Variants in CTNNA2 observed in about 807,000 individuals in gnomAD.
CTNNA2 encodes the protein catenin alpha 2, also known as catenin alpha-2.
Under a neutral mutation model 101.0 loss-of-function variants are expected in CTNNA2, and 42 were observed. The ratio of observed to expected loss-of-function variants is 0.42; its 90% CI spans 0.32 to 0.54. The LOEUF is 0.54. Ranked by LOEUF, CTNNA2 falls within the 20% of genes least tolerant of loss-of-function variation. The pLI is 0.14. For synonymous variants in CTNNA2, 450 were observed against 456.4 expected, an observed-to-expected ratio of 0.99 and a Z score of 0.18; for missense variants, 871 against 1,223.1, an observed-to-expected ratio of 0.71 and a Z score of 4.29.
chr2:80,344,538 G>A (rs1672545190), intron 7 of CTNNA2, among the ~76,000 whole-genome samples: 1 of 152,144 alleles, frequency 6.6e-6, no homozygotes, highest in South Asian at 2.1e-4. Flanking sequence ...AGGCTGGAGT[G>A]CAGTGCCATG....
chr2:80,186,064 A>C (rs1252614341), intron 7 of CTNNA2, among the ~76,000 whole-genome samples: 1 of 152,178 alleles, frequency 6.6e-6, no homozygotes, highest in Non-Finnish European at 1.5e-5. Context: ...GCAAAGCCAG[A>C]CTGTGGCCAA....
intron 1 of CTNNA2, among the ~76,000 whole-genome samples, chr2:79,614,912 A>G (rs1678517384): frequency 6.6e-6 from 1 of 152,202 alleles, no homozygotes; most frequent in Non-Finnish European, 1.5e-5. Context: ...GCAAACCTCT[A>G]TCATAAAGTT....
intron 4 of CTNNA2, among the ~76,000 whole-genome samples, chr2:79,384,376 T>TTCTCTCTC (rs11267995): frequency 2.8e-4 from 29 of 104,582 alleles, no homozygotes; most frequent in African/African-American, 7.2e-4. Flanking sequence ...TGCATATTTC[T>TTCTCTCTC]TCTCTCTCTC....
intron 7 of CTNNA2, among the ~76,000 whole-genome samples, chr2:80,284,723 C>T (rs1261750463): frequency 2.0e-5 from 3 of 152,062 alleles, no homozygotes; most frequent in African/African-American, 7.2e-5. Context: ...TCCTTTTCTC[C>T]TTGGATATTC....
At chr2:79,307,540 G>C (rs769183214) in intron 2 of CTNNA2, among the ~76,000 whole-genome samples, 1 of 152,112 alleles carries the variant, frequency 6.6e-6, no homozygotes, top group African/African-American at 2.4e-5. Flanking sequence ...CCATGTTGCT[G>C]TGAATGACAG....
intron 7 of CTNNA2, among the ~76,000 whole-genome samples, chr2:79,996,251 T>C (rs1210089713): frequency 6.6e-6 from 1 of 152,218 alleles, no homozygotes; most frequent in Non-Finnish European, 1.5e-5. Context: ...ATGTGTCCTT[T>C]AAACATAAGA....
At chr2:79,919,204 C>T (rs1686483369) in intron 7 of CTNNA2, among the ~76,000 whole-genome samples, 1 of 152,150 alleles carries the variant, frequency 6.6e-6, no homozygotes, top group Admixed American at 6.5e-5. Flanking sequence ...AAACTCTTGA[C>T]TGGGATCTGG....
At chr2:79,952,052 C>T (rs997064361) in intron 7 of CTNNA2, among the ~76,000 whole-genome samples, 3 of 152,168 alleles carry the variant, frequency 2.0e-5, no homozygotes, top group African/African-American at 7.2e-5. Context: ...TTGCTGCCTG[C>T]CACCTCCATC....
At chr2:80,281,683 T>C (rs1674391398) in intron 7 of CTNNA2, among the ~76,000 whole-genome samples, 1 of 152,064 alleles carries the variant, frequency 6.6e-6, no homozygotes, top group Non-Finnish European at 1.5e-5. Context: ...TCAGAAGATA[T>C]ATTGAAACAA....
At chr2:79,935,831 C>G (rs1687753218) in intron 7 of CTNNA2, among the ~76,000 whole-genome samples, 1 of 152,134 alleles carries the variant, frequency 6.6e-6, no homozygotes, top group Non-Finnish European at 1.5e-5. Flanking sequence ...GCAGAGATTT[C>G]CTTTTTGAGT....
chr2:80,324,285 G>A (rs1679018276), intron 7 of CTNNA2, among the ~76,000 whole-genome samples: 1 of 152,124 alleles, frequency 6.6e-6, no homozygotes, highest in Non-Finnish European at 1.5e-5. Flanking sequence ...GATCCTCGTG[G>A]GCCGCTGCTC....
intron 7 of CTNNA2, among the ~76,000 whole-genome samples, chr2:80,102,943 C>A (rs1700636368): frequency 6.6e-6 from 1 of 152,178 alleles, no homozygotes; most frequent in Non-Finnish European, 1.5e-5. Context: ...AGAGCAAATA[C>A]TGCAATGTGA....
At chr2:80,172,039 G>T (rs533247089) in intron 7 of CTNNA2, among the ~76,000 whole-genome samples, 1 of 152,124 alleles carries the variant, frequency 6.6e-6, no homozygotes, top group African/African-American at 2.4e-5. Flanking sequence ...CAGCAAGGGA[G>T]AAATCATAGA....
chr2:79,231,110 G>A (rs935631636), intron 2 of CTNNA2, among the ~76,000 whole-genome samples: 1 of 152,102 alleles, frequency 6.6e-6, no homozygotes, highest in African/African-American at 2.4e-5. Context: ...GGGGACTGTT[G>A]GGAAGGCATG....
intron 3 of CTNNA2, among the ~76,000 whole-genome samples, chr2:79,815,575 A>G (rs191864773): frequency 6.6e-6 from 1 of 152,102 alleles, no homozygotes; most frequent in Admixed American, 6.6e-5. Context: ...GGCTGTATGT[A>G]TTGGGTTTAT....
intron 1 of CTNNA2, among the ~76,000 whole-genome samples, chr2:79,567,062 A>G (rs967617221): frequency 4.6e-5 from 7 of 152,198 alleles, no homozygotes; most frequent in African/African-American, 1.7e-4. Context: ...AATAAAGTAG[A>G]TACTTTAACA....
intron 7 of CTNNA2, among the ~76,000 whole-genome samples, chr2:80,226,170 T>C (rs77988917): frequency 6.6e-6 from 1 of 152,332 alleles, no homozygotes; most frequent in African/African-American, 2.4e-5. Context: ...TTGTGGAACA[T>C]ACCTAAATTG....
At chr2:79,488,311 T>A (rs1246861020) in intron 4 of CTNNA2, among the ~76,000 whole-genome samples, 1 of 102,168 alleles carries the variant, frequency 9.8e-6, no homozygotes, top group African/African-American at 3.4e-5. Flanking sequence ...AGAGTGAAAC[T>A]CCATCTCAAA....
chr2:79,942,133 T>C (rs2104459904), intron 7 of CTNNA2, among the ~76,000 whole-genome samples: 1 of 152,292 alleles, frequency 6.6e-6, no homozygotes, highest in East Asian at 1.9e-4. Context: ...AAACCATTAT[T>C]AATCAAATCT....
Sources: gnomAD v4.1 joint callset for allele counts (sites outside exome capture counted in the v4.1 genomes callset) on GRCh38, gnomAD v4.1.1 for gene constraint, MANE v1.5 for transcripts, NCBI Gene and HGNC (gene_info 2026-07-23, HGNC 2026-07-21) for gene names.